CPNE4: variants seen among roughly 807,000 people sequenced by gnomAD.
CPNE4 encodes copine-4.
CPNE4 carries 25 observed loss-of-function variants against 67.9 expected under a neutral mutation model. The ratio of observed to expected loss-of-function variants is 0.37; its 90% CI spans 0.27 to 0.51. The LOEUF is 0.51. CPNE4 is among the 20% of genes least tolerant of loss of function. The pLI, the probability that CPNE4 is intolerant of heterozygous loss-of-function variation, is 0.93. For synonymous variants in CPNE4, 242 were observed against 244.9 expected (o/e 0.99, Z 0.11); for missense variants, 464 against 690.8 (o/e 0.67, Z 3.68).
At chr3:131,954,919 A>G (rs1442809683) in intron 1 of CPNE4, among the ~76,000 whole-genome samples, 1 of 151,046 alleles carries the variant, frequency 6.6e-6, no homozygotes, top group Admixed American at 6.6e-5. Context: ...GGTTGGTTCC[A>G]AGTCTTTGCT....
intron 2 of CPNE4, among the ~76,000 whole-genome samples, chr3:131,856,238 T>C (rs186123226): frequency 6.6e-6 from 1 of 152,048 alleles, no homozygotes; most frequent in African/African-American, 2.4e-5. Context: ...GTGTTTTATG[T>C]TTATGGTTTA....
intron 2 of CPNE4, among the ~76,000 whole-genome samples, chr3:131,810,708 C>T (rs796268643): frequency 5.9e-5 from 9 of 152,170 alleles, no homozygotes; most frequent in African/African-American, 1.9e-4. Flanking sequence ...AATTGAAATT[C>T]GGATCTGGAA....
At chr3:131,948,746 A>G (rs1224385878) in intron 1 of CPNE4, among the ~76,000 whole-genome samples, 1 of 152,250 alleles carries the variant, frequency 6.6e-6, no homozygotes, top group Non-Finnish European at 1.5e-5. Flanking sequence ...AAAAGCATTA[A>G]AAACAGTTCC....
intron 5 of CPNE4, among the ~76,000 whole-genome samples, chr3:131,693,858 A>G (rs1460516957): frequency 6.6e-6 from 1 of 152,178 alleles, no homozygotes; most frequent in Non-Finnish European, 1.5e-5. Flanking sequence ...TCTCTGCTCC[A>G]AAAGACTTAG....
chr3:131,935,311 G>C (rs1460526183), intron 1 of CPNE4, among the ~76,000 whole-genome samples: 1 of 152,172 alleles, frequency 6.6e-6, no homozygotes, highest in Admixed American at 6.6e-5. Flanking sequence ...AATGAAACAG[G>C]AAGGGGCTGG....
chr3:131,709,747 G>A (rs2081512389), intron 3 of CPNE4, among the ~76,000 whole-genome samples: 1 of 152,236 alleles, frequency 6.6e-6, no homozygotes, highest in African/African-American at 2.4e-5. Flanking sequence ...GGGGGTTTGT[G>A]AGGATTAAAT....
At chr3:131,817,741 T>C (rs1179769826) in intron 2 of CPNE4, among the ~76,000 whole-genome samples, 2 of 152,128 alleles carry the variant, frequency 1.3e-5, no homozygotes, top group East Asian at 3.8e-4. Flanking sequence ...AAACATAAAA[T>C]GATGTTACTG....
At chr3:131,861,585 C>T (rs762143400) in intron 2 of CPNE4, among the ~76,000 whole-genome samples, 6 of 152,030 alleles carry the variant, frequency 3.9e-5, no homozygotes, top group Non-Finnish European at 8.8e-5. Context: ...CGCCTGCCAC[C>T]ATGCTCGGCT....
At chr3:131,825,512 T>A (rs201725728) in intron 2 of CPNE4, among the ~76,000 whole-genome samples, 138 of 139,156 alleles carry the variant, frequency 9.9e-4, no homozygotes, top group African/African-American at 3.5e-3. Flanking sequence ...AAAAAAAACA[T>A]TGGTAACTTC....
intron 4 of CPNE4, among the ~76,000 whole-genome samples, chr3:131,698,770 T>TGTG (rs1468502876): frequency 6.6e-6 from 1 of 151,388 alleles, no homozygotes; most frequent in Non-Finnish European, 1.5e-5. Flanking sequence ...ATTAGCTGGG[T>TGTG]GTGGTGGTGG....
Position 131,712,327 on chromosome 3 carries a change from C to T in CPNE4, c.360+11119G>A, listed in dbSNP as rs979019280. Among the ~76,000 whole-genome samples, 9 of 152,148 alleles carry T rather than the reference C, an allele frequency of 5.9e-5. No individual in the cohort carries two copies. In the South Asian group the frequency reaches 6.2e-4, roughly 11 times the overall value. The stretch of plus-strand genomic sequence containing the variant: ...AATCCCACAACCTAGATGTCATCAC[C>T]GTTAACATTTAAAAATATATCCTCC... On this transcript the variant is annotated intron_variant, in intron 3 of 15. Coordinates refer to ENST00000429747, the MANE Select transcript of CPNE4 (RefSeq NM_130808.3).
At chr3:131,916,437 T>C (rs2089188673) in intron 1 of CPNE4, among the ~76,000 whole-genome samples, 1 of 152,064 alleles carries the variant, frequency 6.6e-6, no homozygotes. Flanking sequence ...GCCAGTTTAC[T>C]TGAGAAAGCA....
intron 15 of CPNE4, among the ~76,000 whole-genome samples, chr3:131,536,408 A>G (rs1218830434): frequency 1.3e-5 from 2 of 152,220 alleles, no homozygotes; most frequent in Non-Finnish European, 2.9e-5. Context: ...AGCAATTTCA[A>G]TGGCCTGAGC....
At chr3:131,571,465 A>G (rs774772466) in intron 10 of CPNE4, among the ~76,000 whole-genome samples, 6 of 152,000 alleles carry the variant, frequency 3.9e-5, no homozygotes, top group Non-Finnish European at 7.4e-5. Context: ...CCAAAGCCAA[A>G]TTCATCATCT....
intron 2 of CPNE4, among the ~76,000 whole-genome samples, chr3:131,857,999 T>C (rs2086518470): frequency 6.6e-6 from 1 of 152,160 alleles, no homozygotes; most frequent in African/African-American, 2.4e-5. Context: ...ATAAGTCTTC[T>C]TGACAATTCA....
intron 6 of CPNE4, among the ~76,000 whole-genome samples, chr3:131,676,967 C>T (rs368574672): frequency 9.2e-5 from 14 of 151,834 alleles, no homozygotes; most frequent in South Asian, 2.1e-4. Flanking sequence ...CTGTCTTCCA[C>T]GATGGTTGAA....
At chr3:131,585,336 A>G (rs1938108280) in intron 8 of CPNE4, among the ~76,000 whole-genome samples, 1 of 152,206 alleles carries the variant, frequency 6.6e-6, no homozygotes, top group African/African-American at 2.4e-5. Context: ...AGAGCCTGTC[A>G]CAGTGCTTGG....
chr3:132,022,072 G>C (rs1583609831), intron 1 of CPNE4, among the ~76,000 whole-genome samples: 1 of 152,320 alleles, frequency 6.6e-6, no homozygotes, highest in East Asian at 1.9e-4. Flanking sequence ...TTCTGCTGAA[G>C]ACAGCAAGTC....
chr3:131,656,089 C>T (rs894655857), intron 7 of CPNE4, among the ~76,000 whole-genome samples: 2 of 151,192 alleles, frequency 1.3e-5, no homozygotes, highest in Admixed American at 1.3e-4. Context: ...CATTCCAGCC[C>T]CTCATTCCTG....
Sources: allele counts gnomAD v4.1 joint callset (sites outside exome capture counted in the v4.1 genomes callset), GRCh38; gene constraint gnomAD v4.1.1; transcripts MANE v1.5; gene names NCBI Gene and HGNC (gene_info 2026-07-23, HGNC 2026-07-21).